Variants in ARHGAP31 observed in about 807,000 individuals in gnomAD.
ARHGAP31 encodes the protein Rho GTPase activating protein 31.
In ARHGAP31, 34 loss-of-function variants were observed where a neutral mutation model predicts 113.9. That is an observed-to-expected ratio of 0.30 (90% CI 0.23 to 0.40). The LOEUF (loss-of-function observed/expected upper bound fraction) is 0.40. Ranked by LOEUF, ARHGAP31 falls within the 10% of genes least tolerant of loss-of-function variation. ARHGAP31 has a pLI of 1.00. For synonymous variants in ARHGAP31, 650 were observed against 684.8 expected (o/e 0.95, Z 0.79); for missense variants, 1,548 against 1,767.1 (o/e 0.88, Z 2.22).
chr3:119,414,138 G>A lies in ARHGAP31; in HGVS notation c.2209G>A (p.Glu737Lys), dbSNP rs536224955. The A allele has an allele frequency of 1.2e-6, 2 of 1,614,234 alleles. No individual in the cohort carries two copies. Among genetic ancestry groups the A allele is most frequent in the East Asian group, 2.2e-5 (1 of 44,882 alleles). Residue 737 changes from glutamate to lysine, a missense_variant, in exon 12 of 12, where the codon GAG becomes AAG. Transcript: ENST00000264245. ...GGGGGCTTCCACAGCAGCCAGCAGAGAGAAGCCGGAACCTGAGCAGGGCCT... is the reference window on the plus strand; with the variant it reads ...GGGGGCTTCCACAGCAGCCAGCAGAAAGAAGCCGGAACCTGAGCAGGGCCT... ...TQGASTAASR[E>K]KPEPEQGLHP...
intron 8 of ARHGAP31, among the ~76,000 whole-genome samples, chr3:119,397,685 A>G (rs1165986093): frequency 1.3e-5 from 2 of 152,196 alleles, no homozygotes; most frequent in African/African-American, 2.4e-5. Flanking sequence ...CTAATTCAGA[A>G]CCTCCCAGAA....
chr3:119,375,557 T>C (rs2080339559), intron 3 of ARHGAP31, among the ~76,000 whole-genome samples: 1 of 152,158 alleles, frequency 6.6e-6, no homozygotes, highest in East Asian at 1.9e-4. Flanking sequence ...GTAACACAGG[T>C]TCCAGTGATT....
At chr3:119,371,563 G>C (rs942185898) in intron 3 of ARHGAP31, among the ~76,000 whole-genome samples, 5 of 152,096 alleles carry the variant, frequency 3.3e-5, no homozygotes, top group Admixed American at 2.0e-4. Flanking sequence ...AAACCTTCAC[G>C]GGTATGGAAA....
intron 3 of ARHGAP31, among the ~76,000 whole-genome samples, chr3:119,377,746 G>A (rs1271835510): frequency 6.7e-6 from 1 of 148,734 alleles, no homozygotes; most frequent in Non-Finnish European, 1.5e-5. Context: ...TCCTTTGGAT[G>A]CTTTCCTTTT....
intron 1 of ARHGAP31, among the ~76,000 whole-genome samples, chr3:119,298,095 C>G (rs1159478082): frequency 5.3e-5 from 8 of 152,082 alleles, no homozygotes; most frequent in Non-Finnish European, 1.2e-4. Context: ...AAGAAGGGAG[C>G]AATGAACACT....
intron 9 of ARHGAP31, 117 bp from the exon 10 acceptor site, chr3:119,401,705 C>G: frequency 1.1e-6 from 1 of 945,006 alleles, no homozygotes; most frequent in Non-Finnish European, 1.7e-6. Flanking sequence ...CGGTTATGCC[C>G]CTGTTAGAAT....
chr3:119,365,500 T>G (rs2080246163), intron 2 of ARHGAP31, 82 bp downstream of exon 2: 1 of 1,269,070 alleles, frequency 7.9e-7, no homozygotes, highest in Non-Finnish European at 1.1e-6. Context: ...GTCCAGAGTA[T>G]TAAAAACCCA....
chr3:119,382,779 T>C (rs1276716459), intron 5 of ARHGAP31, among the ~76,000 whole-genome samples: 1 of 152,146 alleles, frequency 6.6e-6, no homozygotes, highest in Non-Finnish European at 1.5e-5. Context: ...ACCTGCTCCA[T>C]AGAACAGTTA....
chr3:119,300,802 G>A (rs1346316067), intron 1 of ARHGAP31, among the ~76,000 whole-genome samples: 2 of 149,820 alleles, frequency 1.3e-5, no homozygotes, highest in East Asian at 3.9e-4. Flanking sequence ...ACTCCAGCCT[G>A]GGCGACAGAG....
At chr3:119,333,942 G>A (rs2107608541) in intron 1 of ARHGAP31, among the ~76,000 whole-genome samples, 1 of 152,336 alleles carries the variant, frequency 6.6e-6, no homozygotes, top group East Asian at 1.9e-4. Flanking sequence ...CCTGCTTTAT[G>A]TTTGGTCTTT....
rs1295000800 is a variant in ARHGAP31, at chr3:119,294,524, C to A, written c.-381C>A. On this transcript the variant is annotated 5_prime_UTR_variant, in exon 1 of 12. Transcript: ENST00000264245. ...TCCTCGCCCCGCGTCCGCGTCGTCT[C>A]CGGGGCACTTAGTAAGGGGTGGGGA... The A allele has an allele frequency of 2.2e-6, 1 of 458,070 alleles. No individual in the cohort carries two copies. 28.4% of individuals were successfully genotyped at this position (458,070 alleles called of 1,614,324 possible). A position where few individuals can be genotyped will look rare whatever the true frequency, so the allele number is the denominator to read the frequency against.
At chr3:119,368,288 T>G in intron 2 of ARHGAP31, 84 bp from the exon 3 acceptor site, 1 of 1,560,774 alleles carries the variant, frequency 6.4e-7, no homozygotes, top group African/African-American at 1.4e-5. Context: ...GTTTAGGGTC[T>G]TTTTACCCCT....
rs140312580 is a variant in ARHGAP31, at chr3:119,414,596, C to G, written c.2667C>G (p.Asp889Glu). Residue 889 changes from aspartate to glutamate, a missense_variant, in exon 12 of 12, where the codon GAC becomes GAG. By Grantham distance (45) the Asp-to-Glu change is conservative (BLOSUM62 2). Transcript: ENST00000264245. ...CAGTACAGGAGCCTTCAGACTGTGACGAAGATGACACTGTGACAGACATTG... is the reference window on the plus strand; with the variant it reads ...CAGTACAGGAGCCTTCAGACTGTGAGGAAGATGACACTGTGACAGACATTG... Reference protein sequence around the residue: ...THSVQEPSDCDEDDTVTDIAQ... With the variant: ...THSVQEPSDCEEDDTVTDIAQ... The G allele has an allele frequency of 1.2e-6, 2 of 1,614,188 alleles. No individual in the cohort carries two copies. Among genetic ancestry groups the G allele is most frequent in the Non-Finnish European group, 1.7e-6 (2 of 1,180,036 alleles).
At chr3:119,361,395 A>C (rs1315399850) in intron 1 of ARHGAP31, among the ~76,000 whole-genome samples, 1 of 133,692 alleles carries the variant, frequency 7.5e-6, no homozygotes, top group Admixed American at 7.1e-5. Flanking sequence ...TTTTTTTTTA[A>C]GACAGAGTCA....
intron 1 of ARHGAP31, among the ~76,000 whole-genome samples, chr3:119,319,077 T>C (rs886331364): frequency 6.6e-6 from 1 of 152,084 alleles, no homozygotes; most frequent in Non-Finnish European, 1.5e-5. Context: ...CAAACAAACA[T>C]TAACAACTGT....
At chr3:119,360,280 T>C (rs964751567) in intron 1 of ARHGAP31, among the ~76,000 whole-genome samples, 1 of 152,208 alleles carries the variant, frequency 6.6e-6, no homozygotes, top group Non-Finnish European at 1.5e-5. Flanking sequence ...TAGACTTTAC[T>C]TTGAAGGTCA....
intron 1 of ARHGAP31, among the ~76,000 whole-genome samples, chr3:119,330,664 A>T (rs1488622563): frequency 6.6e-6 from 1 of 152,218 alleles, no homozygotes; most frequent in Non-Finnish European, 1.5e-5. Flanking sequence ...TCATCTAAAC[A>T]GTGAAGCAAA....
intron 1 of ARHGAP31, among the ~76,000 whole-genome samples, chr3:119,330,385 C>G (rs2079882184): frequency 6.6e-6 from 1 of 152,156 alleles, no homozygotes; most frequent in South Asian, 2.1e-4. Flanking sequence ...GCATGATAAT[C>G]CCATGACCCG....
At position 119,294,860 on chromosome 3, in the gene ARHGAP31, A is replaced by AGAGGGGCGGCAGAGACG; in HGVS notation, c.-37_-21dup. The AGAGGGGCGGCAGAGACG allele has an allele frequency of 6.4e-7, 1 of 1,572,466 alleles. No individual in the cohort carries two copies. The highest frequency in any genetic ancestry group is 8.8e-7 in the Non-Finnish European group (1 of 1,142,828). On this transcript the variant is annotated 5_prime_UTR_variant, in exon 1 of 12. Transcript: ENST00000264245. ...AGCCCATCTTACAGCGGTGCCAAGCAGAGGGGCGGCAGAGACGGAGGGGCA... is the reference window on the plus strand; with the variant it reads ...AGCCCATCTTACAGCGGTGCCAAGCAGAGGGGCGGCAGAGACGGAGGGGCGGCAGAGACGGAGGGGCA...
Sources: allele counts gnomAD v4.1 joint callset (sites outside exome capture counted in the v4.1 genomes callset), GRCh38; gene constraint gnomAD v4.1.1; transcripts MANE v1.5; gene names NCBI Gene and HGNC (gene_info 2026-07-23, HGNC 2026-07-21).